Variants in GOLGA1 observed in about 807,000 individuals in gnomAD.
GOLGA1 encodes the protein golgin A1, also known as golgin subfamily A member 1.
In GOLGA1, 63 loss-of-function variants were observed where a neutral mutation model predicts 119.7. The observed-to-expected ratio is 0.53, with a 90% confidence interval of 0.43 to 0.65. The LOEUF is 0.65. GOLGA1 is among the 30% of genes least tolerant of loss of function. GOLGA1 has a pLI of 0.00. For missense variants in GOLGA1, 798 were observed against 912.8 expected (o/e 0.87, Z 1.62); for synonymous variants, 318 against 333.4 (o/e 0.95, Z 0.50).
At chr9:124,903,252 C>T (rs991637422) in intron 12 of GOLGA1, among the ~76,000 whole-genome samples, 1 of 152,160 alleles carries the variant, frequency 6.6e-6, no homozygotes, top group Non-Finnish European at 1.5e-5. Flanking sequence ...TTTTGGAAGG[C>T]CAAGACGGGT....
intron 10 of GOLGA1, among the ~76,000 whole-genome samples, chr9:124,920,172 T>C (rs1383903179): frequency 6.6e-6 from 1 of 152,024 alleles, no homozygotes; most frequent in Non-Finnish European, 1.5e-5. Flanking sequence ...TGGGCTACAG[T>C]GCTGTGATAT....
chr9:124,898,786 C>G (rs1379539575), intron 14 of GOLGA1, 142 bp from the exon 15 acceptor site: 2 of 594,944 alleles, frequency 3.4e-6, no homozygotes, highest in Middle Eastern at 2.6e-4. Flanking sequence ...GGGGACTGGT[C>G]AGAAAGTAGG....
chr9:124,900,135 C>T (rs1004073856), intron 13 of GOLGA1: 4 of 248,242 alleles, frequency 1.6e-5, no homozygotes, highest in East Asian at 1.0e-4. Context: ...TTGTTCTCCC[C>T]GCCCCTGATT....
intron 22 of GOLGA1, 68 bp from the exon 23 acceptor site, chr9:124,880,678 C>G: frequency 1.1e-6 from 1 of 937,014 alleles, no homozygotes; most frequent in Non-Finnish European, 1.8e-6. Flanking sequence ...ACTGAACCGC[C>G]CCTCCCCTCC....
intron 3 of GOLGA1, among the ~76,000 whole-genome samples, chr9:124,933,903 G>A (rs1416400970): frequency 6.6e-6 from 1 of 151,804 alleles, no homozygotes; most frequent in Non-Finnish European, 1.5e-5. Flanking sequence ...TTGGAAGCTT[G>A]CACCTGTTTC....
At chr9:124,909,097 G>T (rs1830286620) in intron 11 of GOLGA1, among the ~76,000 whole-genome samples, 1 of 152,036 alleles carries the variant, frequency 6.6e-6, no homozygotes, top group South Asian at 2.1e-4. Context: ...ATCACTTTAG[G>T]TCAGGAGTTC....
Position 124,882,512 on chromosome 9 carries a change from G to C in GOLGA1, c.1963C>G (p.Leu655Val). The C allele has an allele frequency of 6.2e-7, 1 of 1,610,260 alleles. No individual in the cohort carries two copies. Among genetic ancestry groups the C allele is most frequent in the Admixed American group, 1.7e-5 (1 of 59,970 alleles). ...LELRKTLQKE[L>V]KIRPDNELFE... ...CCAGCTCCCATGCGAGTACTCACCAGCTCCTTCTGCAGAGTCTTCCGGAGC... is the reference window on the plus strand; with the variant it reads ...CCAGCTCCCATGCGAGTACTCACCACCTCCTTCTGCAGAGTCTTCCGGAGC... Residue 655 changes from leucine to valine, a missense_variant and splice_region_variant, in exon 20 of 23, where the codon CTG (leucine) becomes GTG (valine). Transcript: ENST00000373555.
chr9:124,929,650 G>A (rs1830738379), intron 4 of GOLGA1, among the ~76,000 whole-genome samples: 2 of 152,190 alleles, frequency 1.3e-5, no homozygotes, highest in Admixed American at 1.3e-4. Flanking sequence ...GGTCTTAGCA[G>A]TAGGATAGAT....
chr9:124,904,190 A>G (rs539903826), intron 12 of GOLGA1, among the ~76,000 whole-genome samples: 1 of 152,338 alleles, frequency 6.6e-6, no homozygotes, highest in African/African-American at 2.4e-5. Context: ...ACAAAAGGAC[A>G]AACATTGTAT....
intron 12 of GOLGA1, among the ~76,000 whole-genome samples, chr9:124,905,927 A>G (rs980848491): frequency 6.6e-6 from 1 of 151,502 alleles, no homozygotes; most frequent in Non-Finnish European, 1.5e-5. Flanking sequence ...AGCCTGGCCA[A>G]CATGACAAAA....
intron 15 of GOLGA1, among the ~76,000 whole-genome samples, chr9:124,895,216 C>T (rs1334353909): frequency 3.3e-5 from 5 of 150,430 alleles, no homozygotes; most frequent in African/African-American, 7.4e-5. Flanking sequence ...AACAGAGAAC[C>T]ATCCACAAGA....
chr9:124,915,692 T>TA (rs1254914182), intron 10 of GOLGA1, among the ~76,000 whole-genome samples: 1 of 151,628 alleles, frequency 6.6e-6, no homozygotes, highest in Non-Finnish European at 1.5e-5. Context: ...TCTACAAAAG[T>TA]AAAAAAATTG....
In GOLGA1 at chr9:124,888,048, G is replaced by A. The variant is rs143078428; in HGVS notation, c.1905+205C>T. ...CACTTGTCCAGTTCTCCAGGGGGTG[G>A]GGAGAAGAGGGCTGGGGAGGGTGTG... On this transcript the variant is annotated intron_variant, in intron 19 of 22. Coordinates refer to ENST00000373555, the MANE Select transcript of GOLGA1 (RefSeq NM_002077.4). The surrounding 1 kb of genome is among the most constrained non-coding windows in gnomAD (Gnocchi z 4.4). Among the ~76,000 whole-genome samples, 258 of 152,262 alleles carry A rather than the reference G, an allele frequency of 1.7e-3. 10 individuals carry two copies. In the East Asian group the frequency reaches 0.046, roughly 27 times the overall value.
chr9:124,889,192 C>T lies in GOLGA1; in HGVS notation c.1712G>A (p.Arg571Lys). The change falls in exon 18 of 23, where the codon AGG (arginine) becomes AAG (lysine). Residue 571 changes from arginine to lysine, a missense_variant. By Grantham distance (26) the Arg-to-Lys change is conservative. Transcript: ENST00000373555. The stretch of plus-strand genomic sequence containing the variant: ...TTCGGCCTGCAATGGGCCCCGCAGC[C>T]TCAGCAGGTCCTCCTGCTCCGCGAC... ...AVVAEQEDLL[R>K]LRGPLQAEAL... The T allele has an allele frequency of 6.2e-7, 1 of 1,612,852 alleles. No individual in the cohort carries two copies. Among genetic ancestry groups the T allele is most frequent in the South Asian group, 1.1e-5 (1 of 91,016 alleles).
chr9:124,928,324 T>A (rs1446531726), intron 5 of GOLGA1, 39 bp from the exon 6 acceptor site: 1 of 1,064,292 alleles, frequency 9.4e-7, no homozygotes, highest in East Asian at 2.4e-5. Context: ...ATGAAAACAC[T>A]TCAGAAACAG....
intron 20 of GOLGA1, among the ~76,000 whole-genome samples, chr9:124,882,174 C>A (rs1023520508): frequency 6.6e-6 from 1 of 152,192 alleles, no homozygotes; most frequent in Non-Finnish European, 1.5e-5. Context: ...GTCCCTGGGG[C>A]CTGAAGCTGC....
rs180781995 is a variant in GOLGA1 at position 124,924,704 on chromosome 9, T to A, written c.433-1481A>T. ...GGACTAACCCTTCTGTTACAGTTTC[T>A]AACTCTTGACTGAAAAAAAAAAAAA... On this transcript the variant is annotated intron_variant, in intron 7 of 22. Transcript: ENST00000373555. 4.2e-3 allele frequency among the ~76,000 whole-genome samples: 624 copies of A among 147,168 alleles called. 4 individuals carry two copies. Among genetic ancestry groups the A allele is most frequent in the Middle Eastern group, 6.9e-3 (2 of 288 alleles).
Position 124,938,818 on chromosome 9 carries a change from G to A in GOLGA1, c.-107C>T. 1.2e-6 allele frequency: 1 copy of A among 855,698 alleles called. No individual in the cohort carries two copies. The highest frequency in any genetic ancestry group is 1.8e-6 in the Non-Finnish European group (1 of 564,270). 53.0% of individuals were successfully genotyped at this position (855,698 alleles called of 1,614,324 possible). On this transcript the variant is annotated 5_prime_UTR_variant, in exon 3 of 23. Transcript: ENST00000373555. ...TACAAAGTTTCAGACATCCAAGCTA[G>A]CTGCATTCCCACTTAAATGTGGGCC...
At chr9:124,936,609 T>TAA (rs763476641) in intron 3 of GOLGA1, among the ~76,000 whole-genome samples, 18 of 127,084 alleles carry the variant, frequency 1.4e-4, no homozygotes, top group Admixed American at 2.4e-4. Context: ...CCAGGCAAAT[T>TAA]AAAAAAAAAA....
Sources: allele counts gnomAD v4.1 joint callset (sites outside exome capture counted in the v4.1 genomes callset), GRCh38; gene constraint gnomAD v4.1.1; non-coding constraint Gnocchi (gnomAD v3.1); transcripts MANE v1.5; gene names NCBI Gene and HGNC (gene_info 2026-07-23, HGNC 2026-07-21).